The following RUNX2 variants were observed in gnomAD, a reference collection of about 807,000 sequenced individuals.
RUNX2 encodes the protein runt-related transcription factor 2.
Under a neutral mutation model 51.7 loss-of-function variants are expected in RUNX2, and 10 were observed. That is an observed-to-expected ratio of 0.19 (90% CI 0.12 to 0.33). RUNX2 has a LOEUF of 0.33. Among genes scored for constraint, RUNX2 ranks in the 10% least tolerant of loss-of-function variants. RUNX2 has a pLI of 1.00. For synonymous variants in RUNX2, 276 were observed against 273.6 expected (o/e 1.01, Z -0.09); for missense variants, 562 against 691.3 (o/e 0.81, Z 2.10).
chr6:45,510,780 T>C (rs1458990278), intron 6 of RUNX2, among the ~76,000 whole-genome samples: 1 of 151,954 alleles, frequency 6.6e-6, no homozygotes, highest in East Asian at 1.9e-4. Flanking sequence ...AATTAATGCC[T>C]ATTAAGTCTA....
Position 45,549,913 on chromosome 6 carries a change from C to T in RUNX2, c.*2608C>T, listed in dbSNP as rs1221433741. 2 of 152,608 alleles carry T rather than the reference C, an allele frequency of 1.3e-5. No individual in the cohort carries two copies. The highest frequency in any genetic ancestry group is 2.1e-4 in the South Asian group (1 of 4,818). 9.5% of individuals were successfully genotyped at this position (152,608 alleles called of 1,614,324 possible). ...GCACTTCTTCCCTCCACCCTCACTC[C>T]AACCACCCCAATGGGGGTAATTCAC... On this transcript the variant is annotated 3_prime_UTR_variant, in exon 9 of 9. Transcript: ENST00000647337.
chr6:45,443,096 G>C (rs980544260), intron 5 of RUNX2, among the ~76,000 whole-genome samples: 2 of 144,638 alleles, frequency 1.4e-5, no homozygotes, highest in Non-Finnish European at 3.0e-5. Context: ...ATCCAGGCTG[G>C]AGTACAGTGC....
At chr6:45,412,187 CAAAAAA>C (rs35549153) in intron 2 of RUNX2, among the ~76,000 whole-genome samples, 12 of 119,966 alleles carry the variant, frequency 1.0e-4, no homozygotes, top group African/African-American at 3.5e-4. Context: ...ATAAAAAATA[CAAAAAA>C]AAAAAAAAAA....
intron 5 of RUNX2, among the ~76,000 whole-genome samples, chr6:45,484,100 G>A (rs1172704272): frequency 6.6e-6 from 1 of 152,112 alleles, no homozygotes; most frequent in Admixed American, 6.6e-5. Flanking sequence ...TTTGGTAGAC[G>A]AGGAAGCTAA....
chr6:45,416,939 T>C (rs1798079124), intron 2 of RUNX2, among the ~76,000 whole-genome samples: 1 of 152,218 alleles, frequency 6.6e-6, no homozygotes, highest in South Asian at 2.1e-4. Flanking sequence ...GAAAGGTTTA[T>C]GATGCTAAGT....
intron 7 of RUNX2, among the ~76,000 whole-genome samples, chr6:45,542,527 C>T (rs1563131791): frequency 1.3e-5 from 2 of 152,158 alleles, no homozygotes; most frequent in Admixed American, 6.5e-5. Flanking sequence ...GGATCATACC[C>T]TTGACCTTGG....
intron 2 of RUNX2, among the ~76,000 whole-genome samples, chr6:45,369,949 A>G (rs1157294064): frequency 6.6e-6 from 1 of 152,220 alleles, no homozygotes; most frequent in Non-Finnish European, 1.5e-5. Flanking sequence ...GTGTGGCTAG[A>G]AAGATATGAA....
At chr6:45,440,600 G>A (rs1012849203) in intron 5 of RUNX2, among the ~76,000 whole-genome samples, 17 of 152,156 alleles carry the variant, frequency 1.1e-4, no homozygotes, top group African/African-American at 4.1e-4. Flanking sequence ...GGCTATACAG[G>A]TTGAGTATCC....
chr6:45,508,476 C>G (rs1801047985), intron 6 of RUNX2, among the ~76,000 whole-genome samples: 1 of 152,134 alleles, frequency 6.6e-6, no homozygotes, highest in African/African-American at 2.4e-5. Flanking sequence ...GATCTGCCTG[C>G]CTTGGCCTTC....
At chr6:45,332,754 G>GA (rs944550896) in intron 2 of RUNX2, among the ~76,000 whole-genome samples, 1 of 151,538 alleles carries the variant, frequency 6.6e-6, no homozygotes, top group Non-Finnish European at 1.5e-5. Context: ...AACTCAATGT[G>GA]AAAAAAATCC....
intron 7 of RUNX2, among the ~76,000 whole-genome samples, chr6:45,519,788 ATATG>A (rs762314318): frequency 1.5e-3 from 179 of 118,898 alleles, no homozygotes; most frequent in African/African-American, 5.4e-3. Flanking sequence ...ATATATATAT[ATATG>A]TGTGTGTGTG....
At chr6:45,420,858 C>G (rs1366623250) in intron 2 of RUNX2, among the ~76,000 whole-genome samples, 4 of 152,158 alleles carry the variant, frequency 2.6e-5, no homozygotes, top group African/African-American at 9.7e-5. Context: ...TGCTCTGACT[C>G]TCATCAGCGT....
At chr6:45,400,435 A>C (rs1263313046) in intron 2 of RUNX2, among the ~76,000 whole-genome samples, 1 of 152,154 alleles carries the variant, frequency 6.6e-6, no homozygotes, top group Non-Finnish European at 1.5e-5. Context: ...AGTTCCAGTA[A>C]ATGGTAACTG....
At chr6:45,481,983 A>G (rs1325671602) in intron 5 of RUNX2, among the ~76,000 whole-genome samples, 14 of 152,252 alleles carry the variant, frequency 9.2e-5, no homozygotes, top group Non-Finnish European at 1.6e-4. Context: ...ATCCCTTGGA[A>G]ACAACAGGCA....
At chr6:45,371,192 C>G (rs1366641305) in intron 2 of RUNX2, among the ~76,000 whole-genome samples, 1 of 152,176 alleles carries the variant, frequency 6.6e-6, no homozygotes, top group Non-Finnish European at 1.5e-5. Context: ...AATCAAAACT[C>G]TCTTCCAGTC....
intron 2 of RUNX2, among the ~76,000 whole-genome samples, chr6:45,341,932 C>T (rs936175229): frequency 1.3e-5 from 2 of 151,992 alleles, no homozygotes; most frequent in Non-Finnish European, 2.9e-5. Flanking sequence ...ACAGCCAGAA[C>T]AGTCAACCAA....
intron 2 of RUNX2, among the ~76,000 whole-genome samples, chr6:45,403,999 C>T: frequency 6.6e-6 from 1 of 151,948 alleles, no homozygotes. Flanking sequence ...GTGGCTCATG[C>T]CTGTAATCCC....
chr6:45,437,901 C>T (rs761722702), intron 4 of RUNX2, 46 bp from the exon 5 acceptor site: 3 of 1,359,104 alleles, frequency 2.2e-6, no homozygotes, highest in East Asian at 2.3e-5. Flanking sequence ...ATCATCAACA[C>T]TGTTTTTTAA....
chr6:45,425,254 A>C (rs1393773147), intron 3 of RUNX2, among the ~76,000 whole-genome samples: 1 of 152,228 alleles, frequency 6.6e-6, no homozygotes. Flanking sequence ...TATGCGGCTG[A>C]ATTGATTTGA....
Sources: gnomAD v4.1 joint callset for allele counts (sites outside exome capture counted in the v4.1 genomes callset) on GRCh38, gnomAD v4.1.1 for gene constraint, MANE v1.5 for transcripts, NCBI Gene and HGNC (gene_info 2026-07-23, HGNC 2026-07-21) for gene names.